Variants in UTRN observed in about 807,000 individuals in gnomAD.
The protein encoded by UTRN is dystrophin-related protein 1.
In UTRN, 283 loss-of-function variants were observed where a neutral mutation model predicts 463.9. The ratio of observed to expected loss-of-function variants is 0.61; its 90% confidence interval spans 0.55 to 0.67. UTRN has a LOEUF of 0.67. Among genes scored for constraint, UTRN ranks in the 30% least tolerant of loss-of-function variants. The pLI, the probability that UTRN is intolerant of heterozygous loss-of-function variation, is 0.00. For missense variants in UTRN, 3,922 were observed against 4,084.3 expected, an observed-to-expected ratio of 0.96 and a Z score of 1.08; for synonymous variants, 1,442 against 1,431.5, an observed-to-expected ratio of 1.01 and a Z score of -0.17.
intron 45 of UTRN, among the ~76,000 whole-genome samples, chr6:144,542,310 T>C (rs779750139): frequency 1.3e-5 from 2 of 152,184 alleles, no homozygotes; most frequent in Admixed American, 1.3e-4. Flanking sequence ...AGATATGTTT[T>C]GGGCAGTCTT....
intron 65 of UTRN, among the ~76,000 whole-genome samples, chr6:144,820,552 A>G (rs1330744465): frequency 6.6e-6 from 1 of 152,252 alleles, no homozygotes; most frequent in Non-Finnish European, 1.5e-5. Context: ...TTTAGTGATA[A>G]GAACCAGCCA....
At chr6:144,661,560 C>T (rs192833454) in intron 51 of UTRN, among the ~76,000 whole-genome samples, 125 of 152,116 alleles carry the variant, frequency 8.2e-4, no homozygotes, top group Middle Eastern at 6.8e-3. Context: ...TTAGAAGGGG[C>T]GGGGAAGGCA....
chr6:144,335,794 G>C (rs1386405344), intron 2 of UTRN, among the ~76,000 whole-genome samples: 1 of 152,036 alleles, frequency 6.6e-6, no homozygotes, highest in Non-Finnish European at 1.5e-5. Context: ...TATCATCCTG[G>C]AACTGTCTTT....
intron 58 of UTRN, among the ~76,000 whole-genome samples, chr6:144,762,071 C>T (rs769536679): frequency 3.3e-5 from 5 of 152,136 alleles, no homozygotes; most frequent in Non-Finnish European, 5.9e-5. Flanking sequence ...TTTTAATTCT[C>T]TCATTAGCCA....
chr6:144,376,195 G>A (rs563101677), intron 2 of UTRN, among the ~76,000 whole-genome samples: 23 of 152,126 alleles, frequency 1.5e-4, no homozygotes, highest in African/African-American at 4.6e-4. Flanking sequence ...GGTGGCTCAC[G>A]CCTGTAATCC....
chr6:144,837,987 A>G (rs529446155), intron 71 of UTRN, among the ~76,000 whole-genome samples: 2 of 152,248 alleles, frequency 1.3e-5, no homozygotes, highest in East Asian at 3.9e-4. Context: ...AAAACGTTAC[A>G]TTTTTCATTC....
intron 52 of UTRN, among the ~76,000 whole-genome samples, chr6:144,683,994 T>G (rs1319037094): frequency 6.6e-6 from 1 of 152,166 alleles, no homozygotes; most frequent in African/African-American, 2.4e-5. Context: ...TGCTTCTTCC[T>G]GATCTATATA....
chr6:144,798,212 C>G (rs1487930593), intron 64 of UTRN, among the ~76,000 whole-genome samples: 1 of 152,142 alleles, frequency 6.6e-6, no homozygotes, highest in East Asian at 1.9e-4. Context: ...ATTTACACTA[C>G]TTGGATCAGA....
intron 46 of UTRN, among the ~76,000 whole-genome samples, chr6:144,543,183 T>C (rs1023065003): frequency 3.9e-5 from 6 of 152,168 alleles, no homozygotes; most frequent in Non-Finnish European, 7.4e-5. Context: ...ACTAGTTTTC[T>C]GGGTCCAGGC....
chr6:144,514,424 G>T (rs370147055), intron 36 of UTRN, among the ~76,000 whole-genome samples: 3 of 152,168 alleles, frequency 2.0e-5, no homozygotes, highest in African/African-American at 7.2e-5. Context: ...ACATACTTTT[G>T]TATTCTCCAG....
At chr6:144,471,012 C>G (rs139416786) in intron 23 of UTRN, among the ~76,000 whole-genome samples, 7 of 133,104 alleles carry the variant, frequency 5.3e-5, no homozygotes, top group Non-Finnish European at 9.5e-5. Flanking sequence ...AGAGGGAGAC[C>G]GTGCAAAGGG....
intron 41 of UTRN, among the ~76,000 whole-genome samples, chr6:144,530,786 G>C (rs527494666): frequency 6.6e-6 from 1 of 152,112 alleles, no homozygotes; most frequent in East Asian, 1.9e-4. Context: ...ATACGTGAGT[G>C]TGCATGTGTG....
intron 7 of UTRN, among the ~76,000 whole-genome samples, chr6:144,428,008 G>A (rs560159742): frequency 2.6e-5 from 4 of 152,260 alleles, no homozygotes; most frequent in South Asian, 4.1e-4. Flanking sequence ...TGACCTGAGT[G>A]GGGGGAGTAA....
intron 46 of UTRN, among the ~76,000 whole-genome samples, chr6:144,547,785 T>G (rs1451911975): frequency 1.3e-5 from 2 of 152,206 alleles, no homozygotes; most frequent in Admixed American, 1.3e-4. Flanking sequence ...AAAAATAATT[T>G]GACTGTTTTT....
At chr6:144,662,267 T>C (rs1411049635) in intron 51 of UTRN, among the ~76,000 whole-genome samples, 1 of 152,208 alleles carries the variant, frequency 6.6e-6, no homozygotes, top group East Asian at 1.9e-4. Flanking sequence ...GTTGCTTCAT[T>C]GGTTTATTGG....
intron 52 of UTRN, among the ~76,000 whole-genome samples, chr6:144,694,987 T>TGA: frequency 6.9e-6 from 1 of 145,566 alleles, no homozygotes; most frequent in East Asian, 2.2e-4. Flanking sequence ...TTTTTTTTTT[T>TGA]GAGAGTGAGG....
Position 144,846,161 on chromosome 6 carries a change from A to G in UTRN, c.10271-644A>G, listed in dbSNP as rs190724093. 1.2e-3 allele frequency among the ~76,000 whole-genome samples: 181 copies of G among 152,352 alleles called. No individual in the cohort carries two copies. The East Asian group carries it at 0.029, about 25-fold the overall frequency. On this transcript the variant is annotated intron_variant, in intron 73 of 74. Coordinates refer to ENST00000367545, the MANE Select transcript of UTRN (RefSeq NM_007124.3). Reference sequence around the variant, plus strand: ...TTGCAAAGCCCGCCAGATCGTCTTCACTGTTATGGGCTCTGGAACCAAAAA... The same window carrying G: ...TTGCAAAGCCCGCCAGATCGTCTTCGCTGTTATGGGCTCTGGAACCAAAAA...
intron 51 of UTRN, among the ~76,000 whole-genome samples, chr6:144,595,421 A>G (rs752248153): frequency 3.9e-5 from 6 of 152,230 alleles, no homozygotes; most frequent in Non-Finnish European, 7.3e-5. Flanking sequence ...GTGTGTCTCA[A>G]CTGAGGCGGA....
At chr6:144,813,276 C>A (rs1426432280) in intron 65 of UTRN, among the ~76,000 whole-genome samples, 2 of 152,046 alleles carry the variant, frequency 1.3e-5, no homozygotes, top group Non-Finnish European at 2.9e-5. Flanking sequence ...GCAACCTCTG[C>A]CTCCCGGGTT....
Sources: allele counts gnomAD v4.1 joint callset (sites outside exome capture counted in the v4.1 genomes callset), GRCh38; gene constraint gnomAD v4.1.1; transcripts MANE v1.5; gene names NCBI Gene and HGNC (gene_info 2026-07-23, HGNC 2026-07-21).